The following RAB25 variants were observed in gnomAD, a reference collection of about 807,000 sequenced individuals.
The protein encoded by RAB25 is ras-related protein Rab-25.
A neutral mutation model predicts 25.2 loss-of-function variants in RAB25; 23 were observed. That is an observed-to-expected ratio of 0.91 (90% confidence interval 0.66 to 1.29). RAB25 has a LOEUF of 1.29. Ranked by LOEUF, RAB25 falls within the 50% of genes most tolerant of loss-of-function variation. RAB25 has a pLI of 0.00. For synonymous variants in RAB25, 102 were observed against 111.5 expected (o/e 0.91, Z 0.54); for missense variants, 244 against 277.3 (o/e 0.88, Z 0.85).
chr1:156,063,899 C>T (rs1048356504), intron 1 of RAB25, among the ~76,000 whole-genome samples: 1 of 152,228 alleles, frequency 6.6e-6, no homozygotes, highest in Admixed American at 6.5e-5. Flanking sequence ...AAGCTTTTAA[C>T]GACACTGCCT....
chr1:156,065,465 AC>A (rs1016500501), intron 1 of RAB25, among the ~76,000 whole-genome samples: 5 of 151,176 alleles, frequency 3.3e-5, no homozygotes, highest in Non-Finnish European at 7.4e-5. Context: ...CACACACCAA[AC>A]CTCCCACTTG....
At chr1:156,064,678 G>C (rs1647690628) in intron 1 of RAB25, among the ~76,000 whole-genome samples, 1 of 152,196 alleles carries the variant, frequency 6.6e-6, no homozygotes, top group South Asian at 2.1e-4. Flanking sequence ...GCCTCCCAAA[G>C]TTCTGGGATT....
Position 156,066,022 on chromosome 1 carries a change from G to T in RAB25, c.155G>T (p.Arg52Leu), listed in dbSNP as rs778900657. ...ACCATCGGGGTTGAGTTCTCCACCCGCACTGTGATGTTGGGCACCGCTGCT... is the reference window on the plus strand; with the variant it reads ...ACCATCGGGGTTGAGTTCTCCACCCTCACTGTGATGTTGGGCACCGCTGCT... ...RTTIGVEFST[R>L]TVMLGTAAVK... is the part of the protein sequence containing the mutation. Residue 52 changes from arginine (R) to leucine (L), a missense_variant, in exon 2 of 5, where the codon CGC (arginine) becomes CTC (leucine). By Grantham distance (102) the Arg-to-Leu change is moderately radical (BLOSUM62 -2). Transcript: ENST00000361084. 1 of 1,613,822 alleles carries T rather than the reference G, an allele frequency of 6.2e-7. No homozygotes were observed. The highest frequency in any genetic ancestry group is 2.2e-5 in the East Asian group (1 of 44,858).
At chr1:156,068,769 A>T (rs1041018738) in intron 3 of RAB25, among the ~76,000 whole-genome samples, 4 of 148,302 alleles carry the variant, frequency 2.7e-5, no homozygotes, top group African/African-American at 1.0e-4. Context: ...GCTCGCTGCA[A>T]CTTCCACCTC....
chr1:156,066,583 A>G (rs576414958), intron 2 of RAB25, among the ~76,000 whole-genome samples: 20 of 152,312 alleles, frequency 1.3e-4, no homozygotes, highest in Non-Finnish European at 2.2e-4. Context: ...TGAACCCAGC[A>G]TCTGCATTTT....
At chr1:156,067,087 G>A (rs1647766348) in intron 2 of RAB25, among the ~76,000 whole-genome samples, 1 of 152,004 alleles carries the variant, frequency 6.6e-6, no homozygotes, top group African/African-American at 2.4e-5. Context: ...ACAAAAATTA[G>A]CCAGGCATGG....
At chr1:156,067,158 G>C (rs1647768480) in intron 2 of RAB25, among the ~76,000 whole-genome samples, 2 of 151,616 alleles carry the variant, frequency 1.3e-5, no homozygotes, top group African/African-American at 4.9e-5. Flanking sequence ...ACTCGAACCT[G>C]GGAGGTGGAG....
chr1:156,063,053 A>T (rs919204775), intron 1 of RAB25, among the ~76,000 whole-genome samples: 9 of 110,862 alleles, frequency 8.1e-5, no homozygotes, highest in African/African-American at 2.5e-4. Context: ...GACTCTGTCT[A>T]AAAAAAAAAA....
chr1:156,066,218 TG>T (rs1020301845), intron 2 of RAB25, 112 bp downstream of exon 2: 9 of 279,516 alleles, frequency 3.2e-5, no homozygotes, highest in Non-Finnish European at 3.9e-5. Flanking sequence ...CAGTGGGCTC[TG>T]GGGGGTGGGG....
At chr1:156,069,415 G>A (rs1004664231) in intron 3 of RAB25, among the ~76,000 whole-genome samples, 25 of 151,960 alleles carry the variant, frequency 1.6e-4, no homozygotes, top group Non-Finnish European at 2.9e-4. Flanking sequence ...TCCTGACCTC[G>A]TGATCCACCC....
chr1:156,067,747 T>A (rs1056162010), intron 2 of RAB25, among the ~76,000 whole-genome samples: 4 of 152,102 alleles, frequency 2.6e-5, no homozygotes, highest in Non-Finnish European at 5.9e-5. Flanking sequence ...GAGGTGAAAC[T>A]TTATTTATTT....
chr1:156,070,031 G>A, intron 4 of RAB25, 129 bp from the exon 5 acceptor site: 1 of 1,442,558 alleles, frequency 6.9e-7, no homozygotes. Flanking sequence ...TTTCCTTCCT[G>A]CAAAACCTCC....
intron 2 of RAB25, among the ~76,000 whole-genome samples, chr1:156,066,962 G>A (rs1486418936): frequency 6.6e-5 from 10 of 151,308 alleles, no homozygotes; most frequent in African/African-American, 2.4e-4. Flanking sequence ...TCAGCTGGGC[G>A]CGGTAGCTCA....
At chr1:156,063,639 G>A (rs1647656734) in intron 1 of RAB25, among the ~76,000 whole-genome samples, 1 of 152,192 alleles carries the variant, frequency 6.6e-6, no homozygotes, top group African/African-American at 2.4e-5. Context: ...CAGTGAGGCC[G>A]CTGTCTGCAC....
chr1:156,063,394 G>A (rs536093458), intron 1 of RAB25, among the ~76,000 whole-genome samples: 3 of 152,186 alleles, frequency 2.0e-5, no homozygotes, highest in African/African-American at 4.8e-5. Flanking sequence ...CTTGTGATCC[G>A]CCCTCCTAGG....
chr1:156,061,714 A>G (rs536791884), intron 1 of RAB25, among the ~76,000 whole-genome samples: 48 of 152,278 alleles, frequency 3.2e-4, no homozygotes, highest in Middle Eastern at 3.4e-3. Context: ...CGTTCCTAAT[A>G]GAAACCCAAA....
chr1:156,064,398 A>G (rs900298656), intron 1 of RAB25, among the ~76,000 whole-genome samples: 1 of 149,322 alleles, frequency 6.7e-6, no homozygotes, highest in Non-Finnish European at 1.5e-5. Context: ...GTGCCACCAC[A>G]CTTGGCTAAT....
At chr1:156,069,456 G>A (rs1647842200) in intron 3 of RAB25, among the ~76,000 whole-genome samples, 1 of 152,214 alleles carries the variant, frequency 6.6e-6, no homozygotes, top group South Asian at 2.1e-4. Flanking sequence ...TGGGATTACA[G>A]GCGTGAGCCA....
At chr1:156,067,244 A>G (rs1046363506) in intron 2 of RAB25, among the ~76,000 whole-genome samples, 1 of 151,758 alleles carries the variant, frequency 6.6e-6, no homozygotes, top group Non-Finnish European at 1.5e-5. Flanking sequence ...AAAAAAAAAA[A>G]AAAGAAAAAG....
Sources: allele counts gnomAD v4.1 joint callset (sites outside exome capture counted in the v4.1 genomes callset), GRCh38; gene constraint gnomAD v4.1.1; transcripts MANE v1.5; gene names NCBI Gene and HGNC (gene_info 2026-07-23, HGNC 2026-07-21).